Variants in KCNB2 observed in about 807,000 individuals in gnomAD.
The protein encoded by KCNB2 is delayed rectifier potassium channel protein.
KCNB2 carries 15 observed loss-of-function variants against 61.5 expected under a neutral mutation model. The ratio of observed to expected loss-of-function variants is 0.24; its 90% CI spans 0.16 to 0.38. The LOEUF is 0.38. KCNB2 is among the 10% of genes least tolerant of loss of function. The pLI is 1.00. For synonymous variants in KCNB2, 457 were observed against 446.0 expected, an observed-to-expected ratio of 1.02 and a Z score of -0.31; for missense variants, 828 against 1,125.2, an observed-to-expected ratio of 0.74 and a Z score of 3.78.
At chr8:72,767,343 T>C (rs1006038753) in intron 2 of KCNB2, among the ~76,000 whole-genome samples, 1 of 152,208 alleles carries the variant, frequency 6.6e-6, no homozygotes, top group African/African-American at 2.4e-5. Flanking sequence ...TGCACACTCA[T>C]CACCACAATG....
At chr8:72,871,449 A>G (rs902663463) in intron 2 of KCNB2, among the ~76,000 whole-genome samples, 2 of 152,240 alleles carry the variant, frequency 1.3e-5, no homozygotes, top group South Asian at 2.1e-4. Flanking sequence ...TGAGAAGGAG[A>G]TCACAACTAA....
intron 2 of KCNB2, among the ~76,000 whole-genome samples, chr8:72,933,215 TG>T (rs1806827384): frequency 6.6e-6 from 1 of 152,238 alleles, no homozygotes; most frequent in Non-Finnish European, 1.5e-5. Context: ...TGTTAAGCTG[TG>T]GTCAACTAGA....
intron 2 of KCNB2, among the ~76,000 whole-genome samples, chr8:72,772,455 G>T (rs1808576266): frequency 6.6e-6 from 1 of 152,136 alleles, no homozygotes; most frequent in African/African-American, 2.4e-5. Flanking sequence ...GAGAACCACT[G>T]GGTTAAGGGG....
At chr8:72,923,740 G>A (rs903502667) in intron 2 of KCNB2, among the ~76,000 whole-genome samples, 1 of 152,070 alleles carries the variant, frequency 6.6e-6, no homozygotes, top group African/African-American at 2.4e-5. Context: ...GGGCTAACTG[G>A]CAATTACATA....
chr8:72,788,521 TTCA>T (rs1205483556), intron 2 of KCNB2, among the ~76,000 whole-genome samples: 2 of 152,126 alleles, frequency 1.3e-5, no homozygotes, highest in African/African-American at 4.8e-5. Flanking sequence ...ACATTAGGGC[TTCA>T]ACATATTATT....
At chr8:72,686,820 C>T (rs770664115) in intron 2 of KCNB2, among the ~76,000 whole-genome samples, 1 of 152,200 alleles carries the variant, frequency 6.6e-6, no homozygotes, top group African/African-American at 2.4e-5. Flanking sequence ...ATTAAACCCA[C>T]GTCATTTTTA....
chr8:72,727,748 TA>T (rs1807676775), intron 2 of KCNB2, among the ~76,000 whole-genome samples: 1 of 152,182 alleles, frequency 6.6e-6, no homozygotes, highest in South Asian at 2.1e-4. Context: ...CAAGGAGGAT[TA>T]GACAAGAGAT....
chr8:72,716,973 T>A (rs1282596627), intron 2 of KCNB2, among the ~76,000 whole-genome samples: 1 of 151,882 alleles, frequency 6.6e-6, no homozygotes, highest in Non-Finnish European at 1.5e-5. Flanking sequence ...AGTCTCAGGA[T>A]ACAAAATCAA....
intron 2 of KCNB2, among the ~76,000 whole-genome samples, chr8:72,734,629 G>A (rs140501159): frequency 6.6e-5 from 10 of 152,246 alleles, no homozygotes; most frequent in South Asian, 2.1e-4. Context: ...TATTCCCCGG[G>A]AGAAGAAAGC....
At chr8:72,655,964 G>C (rs1806284866) in intron 2 of KCNB2, among the ~76,000 whole-genome samples, 1 of 152,150 alleles carries the variant, frequency 6.6e-6, no homozygotes, top group Non-Finnish European at 1.5e-5. Flanking sequence ...AATTTCAATA[G>C]ATGTGGTCCT....
In KCNB2 at chr8:72,836,197, A is replaced by T. The variant is rs538002318; in HGVS notation, c.580-99738A>T. ...GTTCAGTAAAAGGTTCACTGCAGAG[A>T]TGTTACTCAAAGTGTTCCCATCACA... On this transcript the variant is annotated intron_variant, in intron 2 of 2. Transcript: ENST00000523207. Among the ~76,000 whole-genome samples the T allele has an allele frequency of 1.5e-4, 23 of 152,322 alleles. No homozygotes were observed. In the South Asian group the frequency reaches 4.8e-3, roughly 32 times the overall value.
At chr8:72,922,472 G>A (rs1806542935) in intron 2 of KCNB2, among the ~76,000 whole-genome samples, 1 of 152,176 alleles carries the variant, frequency 6.6e-6, no homozygotes, top group Admixed American at 6.5e-5. Flanking sequence ...TCTCAGTTCT[G>A]AAGGCTGGAA....
intron 1 of KCNB2, among the ~76,000 whole-genome samples, chr8:72,542,227 T>C (rs1806200514): frequency 6.6e-6 from 1 of 152,156 alleles, no homozygotes; most frequent in African/African-American, 2.4e-5. Flanking sequence ...TGATTAAATA[T>C]TGCCTGCAGG....
intron 2 of KCNB2, among the ~76,000 whole-genome samples, chr8:72,635,149 G>A (rs1194336288): frequency 2.0e-5 from 3 of 152,134 alleles, no homozygotes; most frequent in Non-Finnish European, 4.4e-5. Flanking sequence ...GGGCATTCCT[G>A]GGGAGGGAAC....
chr8:72,791,497 C>T (rs1368813635), intron 2 of KCNB2, among the ~76,000 whole-genome samples: 2 of 152,082 alleles, frequency 1.3e-5, no homozygotes, highest in South Asian at 2.1e-4. Context: ...TGCAGTGAGC[C>T]ATGATCAGGA....
chr8:72,616,925 T>C (rs1219254906), intron 2 of KCNB2, among the ~76,000 whole-genome samples: 1 of 152,198 alleles, frequency 6.6e-6, no homozygotes, highest in Non-Finnish European at 1.5e-5. Flanking sequence ...GGGGCTTAAA[T>C]GGATCTCACG....
chr8:72,664,364 A>G (rs1179805772), intron 2 of KCNB2, among the ~76,000 whole-genome samples: 1 of 152,212 alleles, frequency 6.6e-6, no homozygotes, highest in Non-Finnish European at 1.5e-5. Context: ...GCCAGCATGC[A>G]TTTCTGTGCT....
chr8:72,569,335 TA>T (rs1236382268), intron 2 of KCNB2, among the ~76,000 whole-genome samples: 2 of 152,212 alleles, frequency 1.3e-5, no homozygotes. Context: ...TCGTGAACAG[TA>T]ATGATTTCAG....
chr8:72,845,771 T>G (rs1809979485), intron 2 of KCNB2, among the ~76,000 whole-genome samples: 1 of 61,448 alleles, frequency 1.6e-5, no homozygotes, highest in Non-Finnish European at 4.5e-5. Flanking sequence ...GCCTCAGTAA[T>G]GGCAGATGCC....
Sources: allele counts gnomAD v4.1 joint callset (sites outside exome capture counted in the v4.1 genomes callset), GRCh38; gene constraint gnomAD v4.1.1; transcripts MANE v1.5; gene names NCBI Gene and HGNC (gene_info 2026-07-23, HGNC 2026-07-21).